OR2L13: variants seen among roughly 807,000 people sequenced by gnomAD.
The protein encoded by OR2L13 is olfactory receptor family 2 subfamily L member 13, also known as olfactory receptor 2L13.
OR2L13 carries 14 observed loss-of-function variants against 15.3 expected under a neutral mutation model. The ratio of observed to expected loss-of-function variants is 0.91; its 90% CI spans 0.60 to 1.43. The LOEUF (loss-of-function observed/expected upper bound fraction) is 1.43, where lower values mean the gene tolerates loss of function less well. Ranked by LOEUF, OR2L13 falls within the 40% of genes most tolerant of loss-of-function variation. The probability of loss-of-function intolerance (pLI) is 0.00; values close to 1 mark genes in which losing one functional copy is unlikely to be tolerated. For synonymous variants in OR2L13, 152 were observed against 142.9 expected, an observed-to-expected ratio of 1.06 and a Z score of -0.45; for missense variants, 367 against 387.9, an observed-to-expected ratio of 0.95 and a Z score of 0.45.
the OR2L13 span, among the ~76,000 whole-genome samples, chr1:248,043,423 T>C: frequency 6.6e-6 from 1 of 152,190 alleles, no homozygotes; most frequent in African/African-American, 2.4e-5. Flanking sequence ...GAAGGAGATA[T>C]GGAATATGTG....
the OR2L13 span, among the ~76,000 whole-genome samples, chr1:247,989,130 A>T: frequency 6.6e-6 from 1 of 152,268 alleles, no homozygotes; most frequent in Admixed American, 6.5e-5. Context: ...AAGAGAATGG[A>T]TGGTGGTAGA....
the OR2L13 span, among the ~76,000 whole-genome samples, chr1:248,034,377 G>A: frequency 6.6e-6 from 1 of 152,184 alleles, no homozygotes; most frequent in Admixed American, 6.5e-5. Context: ...GGAGGCGTTT[G>A]GTAAGTTTTA....
chr1:248,065,002 A>G, the OR2L13 span, among the ~76,000 whole-genome samples: 2 of 152,212 alleles, frequency 1.3e-5, no homozygotes, highest in Non-Finnish European at 2.9e-5. Flanking sequence ...TGTGGTCATT[A>G]AGAAGAACAA....
At chr1:247,975,180 T>G in the OR2L13 span, 2 of 399,500 alleles carry the variant, frequency 5.0e-6, no homozygotes, top group South Asian at 4.3e-5. Flanking sequence ...AATAGGATCT[T>G]GGATAATGGG....
chr1:248,074,392 A>T, the OR2L13 span, among the ~76,000 whole-genome samples: 1 of 152,064 alleles, frequency 6.6e-6, no homozygotes, highest in African/African-American at 2.4e-5. Flanking sequence ...GTTAAAAAAA[A>T]AAAAAGTCAA....
the OR2L13 span, among the ~76,000 whole-genome samples, chr1:247,993,062 C>T: frequency 1.3e-5 from 2 of 152,052 alleles, no homozygotes; most frequent in Non-Finnish European, 2.9e-5. Context: ...TTAATTATAG[C>T]CATAGTGACT....
chr1:248,081,391 G>C, the OR2L13 span, among the ~76,000 whole-genome samples: 1 of 151,946 alleles, frequency 6.6e-6, no homozygotes, highest in African/African-American at 2.4e-5. Context: ...TTCCGTTTTT[G>C]TTGTTGTCGT....
the OR2L13 span, among the ~76,000 whole-genome samples, chr1:247,955,255 G>A: frequency 7.2e-5 from 11 of 152,086 alleles, no homozygotes; most frequent in East Asian, 1.4e-3. Context: ...AGCTTCATCC[G>A]TGTCCCTACA....
chr1:248,024,143 C>A, the OR2L13 span: 1 of 151,734 alleles, frequency 6.6e-6, no homozygotes, highest in Non-Finnish European at 1.5e-5. Context: ...TTTGCTGCAC[C>A]AATAAACCCG....
the OR2L13 span, among the ~76,000 whole-genome samples, chr1:248,049,596 A>G: frequency 6.6e-6 from 1 of 152,240 alleles, no homozygotes; most frequent in Admixed American, 6.5e-5. Flanking sequence ...GGTGAAGTGA[A>G]AGTACAGTAA....
At chr1:248,033,446 T>C in the OR2L13 span, among the ~76,000 whole-genome samples, 1 of 150,122 alleles carries the variant, frequency 6.7e-6, no homozygotes, top group Non-Finnish European at 1.5e-5. Flanking sequence ...TTCTCCTTCA[T>C]TTTTTTTTGA....
chr1:248,022,261 CTT>C, the OR2L13 span: 2 of 1,614,162 alleles, frequency 1.2e-6, no homozygotes, highest in Non-Finnish European at 1.7e-6. Context: ...TTCTTCATGA[CTT>C]TTGCAGGTGC....
chr1:248,060,667 G>A, the OR2L13 span: 4 of 1,595,212 alleles, frequency 2.5e-6, no homozygotes, highest in African/African-American at 2.7e-5. Flanking sequence ...TCAGGAAAGA[G>A]CACACGAATG....
At chr1:248,012,112 A>G in the OR2L13 span, among the ~76,000 whole-genome samples, 1 of 152,132 alleles carries the variant, frequency 6.6e-6, no homozygotes, top group South Asian at 2.1e-4. Flanking sequence ...TCAAGTTGTG[A>G]ACTACTTTAT....
At chr1:248,018,998 A>G in the OR2L13 span, among the ~76,000 whole-genome samples, 1 of 152,196 alleles carries the variant, frequency 6.6e-6, no homozygotes, top group Non-Finnish European at 1.5e-5. Context: ...TAAAATGAAT[A>G]ATAGTCCATG....
At chr1:248,030,351 A>G in the OR2L13 span, 1 of 152,198 alleles carries the variant, frequency 6.6e-6, no homozygotes, top group Admixed American at 6.6e-5. Context: ...TTCAGCACTA[A>G]TGACTGTACT....
At chr1:248,088,929 C>T in the OR2L13 span, among the ~76,000 whole-genome samples, 6 of 151,958 alleles carry the variant, frequency 3.9e-5, no homozygotes, top group East Asian at 1.9e-4. Context: ...TTTCCAATAC[C>T]GCTTCTCCAA....
At chr1:248,067,701 A>G in the OR2L13 span, among the ~76,000 whole-genome samples, 1 of 152,214 alleles carries the variant, frequency 6.6e-6, no homozygotes, top group African/African-American at 2.4e-5. Flanking sequence ...GCATTGCCTC[A>G]CTCAGGAAGC....
the OR2L13 span, among the ~76,000 whole-genome samples, chr1:247,976,891 A>G: frequency 6.6e-6 from 1 of 152,196 alleles, no homozygotes; most frequent in Non-Finnish European, 1.5e-5. Flanking sequence ...TTTACCTTTA[A>G]TGCATTGTTC....
Sources: gnomAD v4.1 joint callset for allele counts (sites outside exome capture counted in the v4.1 genomes callset) on GRCh38, gnomAD v4.1.1 for gene constraint, MANE v1.5 for transcripts, NCBI Gene and HGNC (gene_info 2026-07-23, HGNC 2026-07-21) for gene names.